STAB2: variants seen among roughly 807,000 people sequenced by gnomAD.
STAB2 encodes the protein stabilin 2.
STAB2 carries 288 observed loss-of-function variants against 338.1 expected under a neutral mutation model. That is an observed-to-expected ratio of 0.85 (90% CI 0.77 to 0.94). STAB2 has a LOEUF of 0.94. Ranked by LOEUF, STAB2 falls within the 40% of genes least tolerant of loss-of-function variation. The pLI is 0.00. For missense variants in STAB2, 3,141 were observed against 3,210.1 expected, an observed-to-expected ratio of 0.98 and a Z score of 0.52; for synonymous variants, 1,202 against 1,193.3, an observed-to-expected ratio of 1.01 and a Z score of -0.15.
intron 34 of STAB2, among the ~76,000 whole-genome samples, chr12:103,700,749 A>G (rs1878789121): frequency 6.6e-6 from 1 of 152,234 alleles, no homozygotes; most frequent in African/African-American, 2.4e-5. Context: ...ATGTGTGCAG[A>G]AATTCTTTTA....
Position 103,706,941 on chromosome 12 carries a change from C to T in STAB2, c.4146C>T (p.Ala1382=), listed in dbSNP as rs1879416954. The change falls in exon 38 of 69, where the codon GCC becomes GCT. Residue 1382 remains alanine (A), a synonymous_variant. Coordinates refer to ENST00000388887, the MANE Select transcript of STAB2 (RefSeq NM_017564.10). ...CECGEGFSGT[A]CETCTEGKYG... is the part of the protein sequence containing the mutation. ...GTGGGGAGGGCTTCAGCGGCACAGC[C>T]TGCGAGACCTGCACCGAGGGCAAGT... 6.2e-7 allele frequency: 1 copy of T among 1,614,072 alleles called. No individual in the cohort carries two copies. Among genetic ancestry groups the T allele is most frequent in the Admixed American group, 1.7e-5 (1 of 60,004 alleles).
At chr12:103,743,054 C>T (rs1267380012) in intron 56 of STAB2, among the ~76,000 whole-genome samples, 1 of 142,066 alleles carries the variant, frequency 7.0e-6, no homozygotes, top group Non-Finnish European at 1.5e-5. Context: ...CAGAGTTTCG[C>T]TCTTGTTGCC....
At position 103,726,099 on chromosome 12, in the gene STAB2, C is replaced by T. The variant is rs1881178983; in HGVS notation, c.4804-17C>T. 1 of 1,613,814 alleles carries T rather than the reference C, an allele frequency of 6.2e-7. No individual in the cohort carries two copies. The highest frequency in any genetic ancestry group is 8.5e-7 in the Non-Finnish European group (1 of 1,179,740). On this transcript the variant is annotated splice_polypyrimidine_tract_variant and intron_variant, in intron 45 of 68. Transcript: ENST00000388887. Reference sequence around the variant, plus strand: ...TATATTTCACAGGCATTAAGTGAAACTACTCTTTGTTTGCAGGAGCTTCCC... The same window carrying T: ...TATATTTCACAGGCATTAAGTGAAATTACTCTTTGTTTGCAGGAGCTTCCC...
At chr12:103,656,982 G>A (rs557953727) in intron 15 of STAB2, among the ~76,000 whole-genome samples, 15 of 152,146 alleles carry the variant, frequency 9.9e-5, no homozygotes, top group East Asian at 1.9e-4. Context: ...CACCGCGCCC[G>A]GCCAGGATTT....
chr12:103,735,406 AT>A, intron 51 of STAB2, 84 bp from the exon 52 acceptor site: 1 of 852,006 alleles, frequency 1.2e-6, no homozygotes, highest in East Asian at 2.8e-5. Flanking sequence ...TTGCATCTGA[AT>A]TTGGTTTTTT....
intron 3 of STAB2, among the ~76,000 whole-genome samples, chr12:103,616,205 C>T (rs1003924332): frequency 6.6e-6 from 1 of 152,214 alleles, no homozygotes; most frequent in African/African-American, 2.4e-5. Flanking sequence ...CAATTCCTCT[C>T]TGATCAGTGT....
At chr12:103,763,835 C>T in intron 68 of STAB2, 1 of 447,402 alleles carries the variant, frequency 2.2e-6, no homozygotes, top group Non-Finnish European at 4.0e-6. Flanking sequence ...CAAACAGAGA[C>T]AGGCGAGAAC....
rs1192672710 is a variant in STAB2, at chr12:103,690,451, A to G, written c.3210A>G (p.Arg1070=). Residue 1070 remains arginine, a synonymous_variant, in exon 30 of 69, where the codon AGA becomes AGG. Transcript: ENST00000388887. Reference sequence around the variant, plus strand: ...ACCATATGCTACTAGGCACATACAGAGTGGCAGATCTGCAGACCCTGTCTT... The same window carrying G: ...ACCATATGCTACTAGGCACATACAGGGTGGCAGATCTGCAGACCCTGTCTT... ...IKYHMLLGTY[R]VADLQTLSSS... 10 of 1,613,960 alleles carry G rather than the reference A, an allele frequency of 6.2e-6. No individual in the cohort carries two copies. Among genetic ancestry groups the G allele is most frequent in the Non-Finnish European group, 6.8e-6 (8 of 1,179,940 alleles).
At chr12:103,604,787 C>A (rs1957003183) in intron 3 of STAB2, among the ~76,000 whole-genome samples, 1 of 151,462 alleles carries the variant, frequency 6.6e-6, no homozygotes, top group South Asian at 2.1e-4. Context: ...ATTTCATTCA[C>A]CAGCTTTTGG....
At chr12:103,709,610 C>T (rs530389311) in intron 39 of STAB2, among the ~76,000 whole-genome samples, 63 of 152,206 alleles carry the variant, frequency 4.1e-4, no homozygotes, top group Non-Finnish European at 7.9e-4. Context: ...GCGTCTTTGC[C>T]CAAAGCTCCA....
At chr12:103,669,413 G>T in intron 20 of STAB2, 128 bp from the exon 21 acceptor site, 1 of 794,454 alleles carries the variant, frequency 1.3e-6, no homozygotes, top group Non-Finnish European at 2.1e-6. Context: ...AACTGCCAAA[G>T]AAAAGGGCAA....
At chr12:103,663,020 G>T (rs772365646) in intron 18 of STAB2, 22 bp downstream of exon 18, 5 of 1,613,524 alleles carry the variant, frequency 3.1e-6, no homozygotes, top group Non-Finnish European at 4.2e-6. Context: ...AGGAAAATAA[G>T]TAAGGGCCCC....
At chr12:103,711,620 T>C (rs1879870289) in intron 40 of STAB2, 104 bp downstream of exon 40, 1 of 1,314,720 alleles carries the variant, frequency 7.6e-7, no homozygotes, top group Admixed American at 2.1e-5. Context: ...CTGACACCAT[T>C]TCTGAGGGCT....
At chr12:103,715,628 T>C (rs1880246894) in intron 42 of STAB2, among the ~76,000 whole-genome samples, 187 bp from the exon 43 acceptor site, 1 of 152,188 alleles carries the variant, frequency 6.6e-6, no homozygotes, top group Non-Finnish European at 1.5e-5. Flanking sequence ...GAATAGTCAA[T>C]CTTAAGAAAC....
chr12:103,683,910 T>C (rs1212557615), intron 26 of STAB2, among the ~76,000 whole-genome samples: 3 of 151,950 alleles, frequency 2.0e-5, no homozygotes, highest in Admixed American at 6.6e-5. Context: ...GTGTTTGGAG[T>C]TCCAGGTAAC....
chr12:103,745,277 G>A lies in STAB2; in HGVS notation c.6136G>A (p.Val2046Ile). The change falls in exon 57 of 69, where the codon GTT (valine) becomes ATT (isoleucine). Residue 2046 changes from valine to isoleucine, a missense_variant and splice_region_variant. Physicochemically the swap from Val to Ile is conservative, Grantham distance 29. Coordinates refer to ENST00000388887, the MANE Select transcript of STAB2 (RefSeq NM_017564.10). ...AGGCCCCTCGTGTGACACTCAGGCA[G>A]GTCAGTCATGGGAGTGGTCAGCTGC... ...WTGPSCDTQA[V>I]LPAVCTPPCS... 6.2e-7 allele frequency: 1 copy of A among 1,612,680 alleles called. No individual in the cohort carries two copies. Among genetic ancestry groups the A allele is most frequent in the Non-Finnish European group, 8.5e-7 (1 of 1,179,732 alleles).
chr12:103,640,250 G>T lies in STAB2; in HGVS notation c.1034G>T (p.Arg345Leu), dbSNP rs145026397. 4 of 1,611,936 alleles carry T rather than the reference G, an allele frequency of 2.5e-6. No homozygotes were observed. In the African/African-American group the frequency reaches 5.3e-5, roughly 22 times the overall value. ...AATTGCACCACCGTCGCACCAGGCC[G>T]AACTGAGTAAGTCTTTTCAATTCCT... is the stretch of plus-strand genomic sequence containing the variant. ...NANCTTVAPG[R>L]TECICQKGYV... Residue 345 changes from arginine to leucine, a missense_variant, in exon 9 of 69, where the codon CGA becomes CTA. By Grantham distance (102) the Arg-to-Leu change is moderately radical. Transcript: ENST00000388887.
intron 25 of STAB2, among the ~76,000 whole-genome samples, chr12:103,681,081 G>A (rs989335482): frequency 6.6e-6 from 1 of 152,218 alleles, no homozygotes; most frequent in African/African-American, 2.4e-5. Context: ...TGGTCTGGTT[G>A]TTCCACAGCG....
At position 103,724,969 on chromosome 12, in the gene STAB2, T is replaced by C; in HGVS notation, c.4684-6T>C. ...CCCATCCCTTGCCCCTTGGCAATTTTACCAGAAAAATGGCGGCTGTAGTGA... is the reference window on the plus strand; with the variant it reads ...CCCATCCCTTGCCCCTTGGCAATTTCACCAGAAAAATGGCGGCTGTAGTGA... On this transcript the variant is annotated splice_polypyrimidine_tract_variant and splice_region_variant and intron_variant, in intron 44 of 68. Coordinates refer to ENST00000388887, the MANE Select transcript of STAB2 (RefSeq NM_017564.10). The C allele has an allele frequency of 6.2e-7, 1 of 1,613,440 alleles. No individual in the cohort carries two copies. The highest frequency in any genetic ancestry group is 8.5e-7 in the Non-Finnish European group (1 of 1,179,364).
Sources: gnomAD v4.1 joint callset for allele counts (sites outside exome capture counted in the v4.1 genomes callset) on GRCh38, gnomAD v4.1.1 for gene constraint, MANE v1.5 for transcripts, NCBI Gene and HGNC (gene_info 2026-07-23, HGNC 2026-07-21) for gene names.